ENPP2: variants seen among roughly 807,000 people sequenced by gnomAD.
The protein encoded by ENPP2 is ectonucleotide pyrophosphatase/phosphodiesterase 2, also known as autotaxin.
In ENPP2, 51 loss-of-function variants were observed where a neutral mutation model predicts 120.2. The ratio of observed to expected loss-of-function variants is 0.42; its 90% CI spans 0.34 to 0.54. ENPP2 has a LOEUF of 0.54. ENPP2 is among the 20% of genes least tolerant of loss of function. The probability of loss-of-function intolerance (pLI) is 0.04; values close to 1 mark genes in which losing one functional copy is unlikely to be tolerated. For synonymous variants in ENPP2, 365 were observed against 366.4 expected, an observed-to-expected ratio of 1.00 and a Z score of 0.04; for missense variants, 920 against 1,066.5, an observed-to-expected ratio of 0.86 and a Z score of 1.91.
chr8:119,581,265 C>CAAA (rs5894487), intron 18 of ENPP2, among the ~76,000 whole-genome samples: 10,961 of 111,410 alleles, frequency 0.098, 570 homozygotes, highest in Middle Eastern at 0.18. Context: ...GACTCCATCT[C>CAAA]AAAAAAAAAA....
chr8:119,629,806 CA>C (rs954930925), intron 2 of ENPP2, among the ~76,000 whole-genome samples: 9 of 151,538 alleles, frequency 5.9e-5, no homozygotes, highest in African/African-American at 2.2e-4. Context: ...AAAAAAATTA[CA>C]AAACAGAAAA....
At chr8:119,615,020 C>G (rs1815362434) in intron 8 of ENPP2, among the ~76,000 whole-genome samples, 1 of 151,968 alleles carries the variant, frequency 6.6e-6, no homozygotes. Flanking sequence ...ACTGATTTAC[C>G]TATTATGCAA....
At chr8:119,606,855 TA>T (rs57586646) in intron 9 of ENPP2, among the ~76,000 whole-genome samples, 4,828 of 141,240 alleles carry the variant, frequency 0.034, 194 homozygotes, top group African/African-American at 0.1. Context: ...TTAGGTGGTT[TA>T]AAAAAAAAAA....
At chr8:119,654,788 A>T (rs146295347) in intron 1 of ENPP2, among the ~76,000 whole-genome samples, 1 of 152,220 alleles carries the variant, frequency 6.6e-6, no homozygotes, top group Non-Finnish European at 1.5e-5. Context: ...AGGATTTCTT[A>T]AAAAGTATCT....
At chr8:119,599,227 T>A (rs143595641) in intron 11 of ENPP2, among the ~76,000 whole-genome samples, 8 of 152,348 alleles carry the variant, frequency 5.3e-5, no homozygotes, top group African/African-American at 1.9e-4. Flanking sequence ...ATCTGACTTA[T>A]ATAACTTCAG....
intron 11 of ENPP2, among the ~76,000 whole-genome samples, chr8:119,597,918 T>G (rs1342899092): frequency 6.6e-6 from 1 of 152,228 alleles, no homozygotes; most frequent in East Asian, 1.9e-4. Context: ...TATTGTAGCA[T>G]ATAGCATTTT....
At chr8:119,639,661 T>G (rs1479557199), upstream of ENPP2, among the ~76,000 whole-genome samples, 4 of 152,208 alleles carry the variant, frequency 2.6e-5, no homozygotes, top group Non-Finnish European at 4.4e-5. Context: ...GGGGATGGCA[T>G]GGGAAGCTTT....
chr8:119,669,466 G>T (rs901399746), intron 1 of ENPP2, among the ~76,000 whole-genome samples: 4 of 152,170 alleles, frequency 2.6e-5, no homozygotes, highest in African/African-American at 9.7e-5. Flanking sequence ...CCAGAGCAGG[G>T]ATGTGAGCCC....
In ENPP2 at chr8:119,557,388, G is replaced by T; in HGVS notation, c.*133C>A. 2.9e-6 allele frequency: 2 copies of T among 685,480 alleles called. No individual in the cohort carries two copies. The highest frequency in any genetic ancestry group is 2.0e-5 in the South Asian group (1 of 49,160). The allele number at this position is 685,480 out of a possible 1,614,324, so 42.5% of individuals were successfully genotyped here. ...AGAGAAAAACAGTGGAGTCATTCAG[G>T]CATAATATGTCAGATTTGGTACAGG... is the stretch of plus-strand genomic sequence containing the variant. On this transcript the variant is annotated 3_prime_UTR_variant, in exon 25 of 25. Transcript: ENST00000075322.
chr8:119,669,083 C>T (rs904234657), intron 1 of ENPP2, among the ~76,000 whole-genome samples: 8 of 152,332 alleles, frequency 5.3e-5, no homozygotes, highest in African/African-American at 1.9e-4. Context: ...TGCCTTTTCT[C>T]TTAGCAAATG....
At chr8:119,649,627 G>A (rs1471910215) in intron 1 of ENPP2, among the ~76,000 whole-genome samples, 1 of 152,048 alleles carries the variant, frequency 6.6e-6, no homozygotes, top group Admixed American at 6.6e-5. Context: ...ATGACCTACG[G>A]GTTGGAAGAA....
chr8:119,642,948 T>G (rs1449472058), upstream of ENPP2, among the ~76,000 whole-genome samples: 3 of 151,850 alleles, frequency 2.0e-5, no homozygotes, highest in African/African-American at 7.3e-5. Flanking sequence ...ATGAACTGAT[T>G]GAAACTGTAT....
chr8:119,657,989 T>G (rs1005408447), intron 1 of ENPP2, among the ~76,000 whole-genome samples: 2 of 152,196 alleles, frequency 1.3e-5, no homozygotes, highest in African/African-American at 2.4e-5. Flanking sequence ...GGTGAATGAA[T>G]GATTTTTTGT....
chr8:119,608,142 A>G (rs1814851037), intron 8 of ENPP2, among the ~76,000 whole-genome samples, 165 bp from the exon 9 acceptor site: 1 of 152,238 alleles, frequency 6.6e-6, no homozygotes, highest in South Asian at 2.1e-4. Flanking sequence ...AGTCAGAATC[A>G]TTATTTCCAC....
intron 2 of ENPP2, among the ~76,000 whole-genome samples, chr8:119,627,962 TAAACA>T (rs1045935898): frequency 1.3e-5 from 2 of 150,726 alleles, no homozygotes; most frequent in African/African-American, 4.8e-5. Context: ...TAATTCTTCC[TAAACA>T]AACCAGAAGA....
At chr8:119,613,516 A>C (rs1175979324) in intron 8 of ENPP2, among the ~76,000 whole-genome samples, 5 of 152,122 alleles carry the variant, frequency 3.3e-5, no homozygotes. Context: ...AAATAAATTG[A>C]GTTTAATTTA....
chr8:119,560,551 CT>C (rs1038937248), intron 24 of ENPP2, among the ~76,000 whole-genome samples: 163 of 152,342 alleles, frequency 1.1e-3, no homozygotes, highest in African/African-American at 3.9e-3. Flanking sequence ...CAAGTTCTCT[CT>C]TGCCTCACTC....
chr8:119,658,571 A>G (rs948735919), intron 1 of ENPP2, among the ~76,000 whole-genome samples: 7 of 152,076 alleles, frequency 4.6e-5, no homozygotes, highest in Admixed American at 1.3e-4. Flanking sequence ...GGAAAATATA[A>G]CTCCTCCTAT....
At chr8:119,630,478 C>T (rs1816588509) in intron 2 of ENPP2, among the ~76,000 whole-genome samples, 1 of 152,156 alleles carries the variant, frequency 6.6e-6, no homozygotes, top group Non-Finnish European at 1.5e-5. Flanking sequence ...CACTCATTCA[C>T]CTGATTTTTA....
Sources: allele counts gnomAD v4.1 joint callset (sites outside exome capture counted in the v4.1 genomes callset), GRCh38; gene constraint gnomAD v4.1.1; transcripts MANE v1.5; gene names NCBI Gene and HGNC (gene_info 2026-07-23, HGNC 2026-07-21).